Variants in RBM41 observed in about 807,000 individuals in gnomAD.
The protein encoded by RBM41 is RNA-binding protein 41.
Under a neutral mutation model 30.8 loss-of-function variants are expected in RBM41, and 14 were observed. That is an observed-to-expected ratio of 0.45 (90% CI 0.30 to 0.71). The LOEUF is 0.71. Ranked by LOEUF, RBM41 falls within the 30% of genes least tolerant of loss-of-function variation. The pLI is 0.08. For synonymous variants in RBM41, 120 were observed against 110.1 expected, an observed-to-expected ratio of 1.09 and a Z score of -0.56; for missense variants, 276 against 326.3, an observed-to-expected ratio of 0.85 and a Z score of 1.19.
chrX:107,118,761 C>T lies in RBM41; in HGVS notation c.8+5G>A. On this transcript the variant is annotated splice_donor_5th_base_variant and intron_variant, in intron 1 of 7. Transcript: ENST00000685964. ...TTGCCGCCTGCTCTTCAGACAAGTC[C>T]TTACCTCTTCATGTTTCCACAGGCC... 8.3e-7 allele frequency: 1 copy of T among 1,211,851 alleles called. No homozygotes were observed. Among genetic ancestry groups the T allele is most frequent in the South Asian group, 1.8e-5 (1 of 57,004 alleles).
In RBM41 at chrX:107,115,485, C is replaced by G. The variant is rs768904489; in HGVS notation, c.390G>C (p.Glu130Asp). ...GTGGCAGGCAAAGAATGCGCTGACG[C>G]TCCGAGATCCTTTCTTCAATATCTT... The part of the protein sequence containing the change: ...RLQDIEERIS[E>D]RQRILCLPQR... The change falls in exon 4 of 8, where the codon GAG (glutamate) becomes GAC (aspartate). Residue 130 changes from glutamate (E) to aspartate (D), a missense_variant. By Grantham distance (45) the Glu-to-Asp change is conservative. Coordinates refer to ENST00000685964, the MANE Select transcript of RBM41 (RefSeq NM_001324242.2). 2 of 1,211,598 alleles carry G rather than the reference C, an allele frequency of 1.7e-6. No individual in the cohort carries two copies. Among genetic ancestry groups the G allele is most frequent in the South Asian group, 3.5e-5 (2 of 56,948 alleles).
At chrX:107,118,319 G>T (rs896232146) in intron 1 of RBM41, among the ~76,000 whole-genome samples, 3 of 109,376 alleles carry the variant, frequency 2.7e-5, no homozygotes, top group Non-Finnish European at 5.7e-5. Flanking sequence ...CGGGGCCCAA[G>T]CAAGTAGTCT....
At chrX:107,114,763 A>G (rs1056936573) in intron 4 of RBM41, 1 of 112,012 alleles carries the variant, frequency 8.9e-6, no homozygotes, top group African/African-American at 3.3e-5. Flanking sequence ...ACTTCCATGC[A>G]CCTTCCACAG....
intron 5 of RBM41, among the ~76,000 whole-genome samples, chrX:107,099,730 A>ACACAC (rs1428097942): frequency 2.0e-5 from 2 of 100,212 alleles, no homozygotes; most frequent in Non-Finnish European, 4.1e-5. Flanking sequence ...CACACACACG[A>ACACAC]ACACGAAGGC....
chrX:107,111,791 T>C (rs949964807), intron 5 of RBM41, among the ~76,000 whole-genome samples: 1 of 111,546 alleles, frequency 9.0e-6, no homozygotes, highest in Non-Finnish European at 1.9e-5. Flanking sequence ...AGGACAAATA[T>C]TGTATGATTC....
chrX:107,066,294 A>G lies in RBM41; in HGVS notation c.*1233T>C, dbSNP rs1463309855. 1 of 110,776 alleles carries G rather than the reference A, an allele frequency of 9.0e-6. No homozygotes were observed. Among genetic ancestry groups the G allele is most frequent in the Non-Finnish European group, 1.9e-5 (1 of 52,836 alleles). The allele number at this position is 110,776 out of a possible 1,213,427, so 9.1% of individuals were successfully genotyped here. ...TTTTTCTTATGATGTATCTGTCTGTAATTTCTTTTTCTTCTGGGATGTATA... is the reference window on the plus strand; with the variant it reads ...TTTTTCTTATGATGTATCTGTCTGTGATTTCTTTTTCTTCTGGGATGTATA... On this transcript the variant is annotated 3_prime_UTR_variant, in exon 8 of 8. Coordinates refer to ENST00000685964, the MANE Select transcript of RBM41 (RefSeq NM_001324242.2).
chrX:107,117,418 G>A (rs1924968208), intron 1 of RBM41, among the ~76,000 whole-genome samples: 1 of 111,842 alleles, frequency 8.9e-6, no homozygotes. Context: ...GGTGATGAAG[G>A]TCTAGACTGA....
Position 107,094,865 on chromosome X carries a change from T to G in RBM41, c.596-6026A>C, listed in dbSNP as rs747814176. Among the ~76,000 whole-genome samples the G allele has an allele frequency of 4.5e-5, 5 of 111,149 alleles. No individual in the cohort carries two copies. In the East Asian group the frequency reaches 1.1e-3, roughly 25 times the overall value. On this transcript the variant is annotated intron_variant, in intron 5 of 7. Coordinates refer to ENST00000685964, the MANE Select transcript of RBM41 (RefSeq NM_001324242.2). ...ACCAGAGCCTCTAAAAGAAATGCAG[T>G]CCTGTTGACATCTTAAGATTTCTGA...
intron 5 of RBM41, among the ~76,000 whole-genome samples, chrX:107,092,987 T>C (rs2147631319): frequency 8.9e-6 from 1 of 112,120 alleles, no homozygotes; most frequent in East Asian, 2.8e-4. Context: ...GAATTAATTA[T>C]AAAATTCTGG....
intron 5 of RBM41, among the ~76,000 whole-genome samples, chrX:107,103,945 G>A (rs1307329992): frequency 5.4e-5 from 6 of 110,863 alleles, no homozygotes. Flanking sequence ...CCTGGAGATG[G>A]TCCGATGATT....
In RBM41 at chrX:107,067,178, G is replaced by A; in HGVS notation, c.*349C>T. ...AGTTTTTTATTTCTGTGTATACGAA[G>A]CAGTCTAAGAAAGAATGTTATCTCT... On this transcript the variant is annotated 3_prime_UTR_variant, in exon 8 of 8. Coordinates refer to ENST00000685964, the MANE Select transcript of RBM41 (RefSeq NM_001324242.2). 1 of 764,277 alleles carries A rather than the reference G, an allele frequency of 1.3e-6. No homozygotes were observed. Among genetic ancestry groups the A allele is most frequent in the Non-Finnish European group, 1.6e-6 (1 of 644,556 alleles). The allele number at this position is 764,277 out of a possible 1,213,427, so 63.0% of individuals were successfully genotyped here.
chrX:107,053,097 G>A, the RBM41 span, among the ~76,000 whole-genome samples: 1 of 112,106 alleles, frequency 8.9e-6, no homozygotes, highest in East Asian at 2.8e-4. Context: ...GTTTGTAGTA[G>A]AACTGAGTAG....
At chrX:107,090,730 G>A (rs1363839399) in intron 5 of RBM41, among the ~76,000 whole-genome samples, 1 of 111,182 alleles carries the variant, frequency 9.0e-6, no homozygotes, top group East Asian at 2.8e-4. Context: ...CCTTTTCAGT[G>A]GACAAAAGCT....
rs150019884 is a variant in RBM41, at chrX:107,091,135, T to C, written c.596-2296A>G. Reference sequence around the variant, plus strand: ...AAGAGAAAAGTAAACCATGAGTTTATATTGGTATTTCCAACTCAAATTTAA... The same window carrying C: ...AAGAGAAAAGTAAACCATGAGTTTACATTGGTATTTCCAACTCAAATTTAA... On this transcript the variant is annotated intron_variant, in intron 5 of 7. Transcript: ENST00000685964. Among the ~76,000 whole-genome samples, 105 of 111,886 alleles carry C rather than the reference T, an allele frequency of 9.4e-4. 1 individual carries two copies. The East Asian group carries it at 0.023, about 25-fold the overall frequency.
intron 5 of RBM41, among the ~76,000 whole-genome samples, chrX:107,100,430 T>C (rs1482339413): frequency 9.2e-6 from 1 of 108,822 alleles, no homozygotes; most frequent in African/African-American, 3.4e-5. Flanking sequence ...AAGTGGAGGT[T>C]GCAGTGAGCT....
At chrX:107,085,348 C>A (rs1314586485) in intron 6 of RBM41, among the ~76,000 whole-genome samples, 1 of 106,427 alleles carries the variant, frequency 9.4e-6, no homozygotes, top group Non-Finnish European at 1.9e-5. Flanking sequence ...GTCACTGCAA[C>A]CTCCACCTCC....
At chrX:107,055,336 T>A in the RBM41 span, among the ~76,000 whole-genome samples, 20 of 112,045 alleles carry the variant, frequency 1.8e-4, no homozygotes, top group African/African-American at 2.6e-4. Flanking sequence ...TTTTATTATT[T>A]TTTTTTGAGA....
chrX:107,060,170 A>C (rs1935617120), downstream of RBM41, among the ~76,000 whole-genome samples: 1 of 110,999 alleles, frequency 9.0e-6, no homozygotes, highest in African/African-American at 3.3e-5. Flanking sequence ...CCATAGAGTA[A>C]AATAAACATC....
intron 5 of RBM41, among the ~76,000 whole-genome samples, chrX:107,109,706 T>G: frequency 9.0e-6 from 1 of 111,604 alleles, no homozygotes; most frequent in Admixed American, 9.5e-5. Context: ...CTTTTTTCTT[T>G]ATTAATATGG....
Sources: allele counts gnomAD v4.1 joint callset (sites outside exome capture counted in the v4.1 genomes callset), GRCh38; gene constraint gnomAD v4.1.1; transcripts MANE v1.5; gene names NCBI Gene and HGNC (gene_info 2026-07-23, HGNC 2026-07-21).